The following CPD variants were observed in gnomAD, a reference collection of about 807,000 sequenced individuals.
CPD encodes carboxypeptidase D, also known as metallocarboxypeptidase D.
A neutral mutation model predicts 138.3 loss-of-function variants in CPD; 69 were observed. The observed-to-expected ratio is 0.50, with a 90% CI of 0.41 to 0.61. CPD has a LOEUF of 0.61. Ranked by LOEUF, CPD falls within the 20% of genes least tolerant of loss-of-function variation. CPD has a pLI of 0.00. For synonymous variants in CPD, 651 were observed against 642.1 expected (o/e 1.01, Z -0.21); for missense variants, 1,432 against 1,733.3 (o/e 0.83, Z 3.09).
intron 2 of CPD, among the ~76,000 whole-genome samples, chr17:30,392,107 T>G (rs1393859805): frequency 2.0e-5 from 3 of 151,776 alleles, no homozygotes; most frequent in Non-Finnish European, 2.9e-5. Context: ...CCTCCCAGGT[T>G]CCAGCGATTC....
At chr17:30,455,928 G>A (rs1913280821) in intron 15 of CPD, 1 of 297,916 alleles carries the variant, frequency 3.4e-6, no homozygotes. Context: ...AGATAGTTTG[G>A]GTGGTTTTCA....
chr17:30,431,196 G>T (rs1389426850), intron 7 of CPD, among the ~76,000 whole-genome samples: 1 of 152,126 alleles, frequency 6.6e-6, no homozygotes, highest in Non-Finnish European at 1.5e-5. Flanking sequence ...TGGTTTTGGT[G>T]TGCATTTCCA....
At chr17:30,394,927 T>TGTG in intron 2 of CPD, among the ~76,000 whole-genome samples, 1 of 106,564 alleles carries the variant, frequency 9.4e-6, no homozygotes, top group Non-Finnish European at 2.0e-5. Flanking sequence ...GTGTGTGTGT[T>TGTG]CGTTCAGGTG....
intron 2 of CPD, among the ~76,000 whole-genome samples, chr17:30,409,260 A>G (rs1274937817): frequency 1.3e-5 from 2 of 152,140 alleles, no homozygotes; most frequent in Non-Finnish European, 2.9e-5. Context: ...TCGGTTTTCC[A>G]TTATTTTATT....
rs1567876143 is a variant in CPD at position 30,427,387 on chromosome 17, A to T, written c.1850-4A>T. The T allele has an allele frequency of 6.2e-7, 1 of 1,613,386 alleles. No homozygotes were observed. The highest frequency in any genetic ancestry group is 1.7e-5 in the Admixed American group (1 of 60,030). ...ATATTCAAATCCTTTATCATATCAT[A>T]CAGGAGATTCAATAAGTGTAATTGG... On this transcript the variant is annotated splice_region_variant and splice_polypyrimidine_tract_variant and intron_variant, in intron 6 of 20. Coordinates refer to ENST00000225719, the MANE Select transcript of CPD (RefSeq NM_001304.5).
chr17:30,388,502 C>T (rs1197464789), intron 2 of CPD, among the ~76,000 whole-genome samples: 1 of 152,226 alleles, frequency 6.6e-6, no homozygotes, highest in East Asian at 1.9e-4. Context: ...CAAGCATGTG[C>T]GTACCCCTCC....
At chr17:30,429,492 AAGG>A (rs1347304891) in intron 7 of CPD, among the ~76,000 whole-genome samples, 2 of 152,212 alleles carry the variant, frequency 1.3e-5, no homozygotes, top group African/African-American at 4.8e-5. Flanking sequence ...AAGCAGTTTG[AAGG>A]AGAATTTCTT....
chr17:30,414,816 T>C (rs1160918793), intron 2 of CPD, among the ~76,000 whole-genome samples: 1 of 152,184 alleles, frequency 6.6e-6, no homozygotes, highest in Non-Finnish European at 1.5e-5. Context: ...TGGGAAAGAC[T>C]GTGGGTGGAG....
At chr17:30,404,448 C>A (rs1911755698) in intron 2 of CPD, among the ~76,000 whole-genome samples, 2 of 151,976 alleles carry the variant, frequency 1.3e-5, no homozygotes, top group Non-Finnish European at 1.5e-5. Flanking sequence ...TAAATATATG[C>A]CTGCAGTAAT....
intron 8 of CPD, among the ~76,000 whole-genome samples, chr17:30,434,584 G>A (rs1368984746): frequency 1.3e-5 from 2 of 152,146 alleles, no homozygotes; most frequent in Non-Finnish European, 2.9e-5. Flanking sequence ...AATGGGATAA[G>A]TACAATTTAA....
At chr17:30,418,182 T>C (rs1173242603) in intron 2 of CPD, among the ~76,000 whole-genome samples, 5 of 151,380 alleles carry the variant, frequency 3.3e-5, no homozygotes, top group African/African-American at 1.2e-4. Context: ...TTAATATCAT[T>C]TTTTTCTTTT....
chr17:30,379,274 C>T lies in CPD; in HGVS notation c.294C>T (p.Arg98=). The T allele has an allele frequency of 6.6e-7, 1 of 1,511,820 alleles. No individual in the cohort carries two copies. The highest frequency in any genetic ancestry group is 8.8e-7 in the Non-Finnish European group (1 of 1,136,622). The allele number at this position is 1,511,820 out of a possible 1,614,324, so 93.7% of individuals were successfully genotyped here. A position where few individuals can be genotyped will look rare whatever the true frequency, so the allele number is the denominator to read the frequency against. Residue 98 remains arginine, a synonymous_variant, in exon 1 of 21, where the codon CGC becomes CGT. Transcript: ENST00000225719. This position sits in a 1 kb window ranked among gnomAD's most constrained non-coding sequence, Gnocchi z 7.0. ...AAGGCCGGCCGCTGTGGGTGCTTCG[C>T]CTCACCGCCGGCCTGGGGTCGCTAA... ...SVEGRPLWVL[R]LTAGLGSLIP...
intron 12 of CPD, 141 bp downstream of exon 12, chr17:30,446,161 G>T: frequency 1.6e-6 from 1 of 620,434 alleles, no homozygotes; most frequent in Non-Finnish European, 2.7e-6. Context: ...TTTGCAACAT[G>T]TATTTGCTTG....
chr17:30,464,877 A>T lies in CPD; in HGVS notation c.*63A>T. On this transcript the variant is annotated 3_prime_UTR_variant, in exon 21 of 21. Transcript: ENST00000225719. The stretch of plus-strand genomic sequence containing the variant: ...GCAAAATTACAGTTCCTCTTGGGAG[A>T]ACACTGCATTAAGAAGAGAGACTCT... 1 of 1,260,932 alleles carries T rather than the reference A, an allele frequency of 7.9e-7. No homozygotes were observed. The highest frequency in any genetic ancestry group is 1.2e-5 in the South Asian group (1 of 82,970). The allele number at this position is 1,260,932 out of a possible 1,614,324, so 78.1% of individuals were successfully genotyped here.
rs1190214682 is a variant in CPD at position 30,427,537 on chromosome 17, C to T, written c.1996C>T (p.Leu666Phe). ...CTGGATGAAGTCCTATCCATTTGTA[C>T]TTTCAGCAAACCTGCATGGAGGTAT... ...MSWMKSYPFV[L>F]SANLHGGSLV... The change falls in exon 7 of 21, where the codon CTT becomes TTT. Residue 666 changes from leucine to phenylalanine, a missense_variant. Coordinates refer to ENST00000225719, the MANE Select transcript of CPD (RefSeq NM_001304.5). 1.2e-6 allele frequency: 2 copies of T among 1,613,950 alleles called. No individual in the cohort carries two copies. The highest frequency in any genetic ancestry group is 1.7e-6 in the Non-Finnish European group (2 of 1,179,970).
At chr17:30,399,887 G>A (rs1053458197) in intron 2 of CPD, among the ~76,000 whole-genome samples, 3 of 152,126 alleles carry the variant, frequency 2.0e-5, no homozygotes, top group African/African-American at 7.2e-5. Flanking sequence ...CTACTCGAGA[G>A]GCTGAGGCAA....
chr17:30,453,690 C>T (rs955639172), intron 14 of CPD, among the ~76,000 whole-genome samples: 1 of 152,246 alleles, frequency 6.6e-6, no homozygotes, highest in African/African-American at 2.4e-5. Flanking sequence ...TCCCACATTT[C>T]CCTTCTGCAC....
Position 30,379,008 on chromosome 17 carries a change from C to A in CPD, c.28C>A (p.Pro10Thr). The change falls in exon 1 of 21, where the codon CCT becomes ACT. Residue 10 changes from proline (P) to threonine (T), a missense_variant. By Grantham distance (38) the Pro-to-Thr change is conservative. Transcript: ENST00000225719. This position sits in a 1 kb window ranked among gnomAD's most constrained non-coding sequence, Gnocchi z 7.0. MASGRDERP[P>T]WRLGRLLLLM... is the part of the protein sequence containing the mutation. ...GGCGAGCGGCCGGGACGAGCGGCCG[C>A]CTTGGCGGCTAGGGCGGCTCCTGTT... 2 of 1,549,284 alleles carry A rather than the reference C, an allele frequency of 1.3e-6. No individual in the cohort carries two copies. The highest frequency in any genetic ancestry group is 1.2e-5 in the South Asian group (1 of 85,784).
At chr17:30,412,878 G>A (rs1480364262) in intron 2 of CPD, among the ~76,000 whole-genome samples, 1 of 152,152 alleles carries the variant, frequency 6.6e-6, no homozygotes, top group African/African-American at 2.4e-5. Flanking sequence ...GCCCTCCGTG[G>A]GCTGCACCCA....
Sources: gnomAD v4.1 joint callset for allele counts (sites outside exome capture counted in the v4.1 genomes callset) on GRCh38, gnomAD v4.1.1 for gene constraint, Gnocchi (gnomAD v3.1) non-coding constraint, MANE v1.5 for transcripts, NCBI Gene and HGNC (gene_info 2026-07-23, HGNC 2026-07-21) for gene names.